Variants in KLF12 observed in about 807,000 individuals in gnomAD.
KLF12 encodes KLF transcription factor 12.
In KLF12, 9 loss-of-function variants were observed where a neutral mutation model predicts 37.8. The observed-to-expected ratio is 0.24, with a 90% confidence interval of 0.14 to 0.42. KLF12 has a LOEUF of 0.42. Ranked by LOEUF, KLF12 falls within the 10% of genes least tolerant of loss-of-function variation. KLF12 has a pLI of 1.00. For missense variants in KLF12, 411 were observed against 516.0 expected (o/e 0.80, Z 1.97); for synonymous variants, 208 against 202.1 (o/e 1.03, Z -0.25).
At chr13:74,305,736 A>G in the KLF12 span, among the ~76,000 whole-genome samples, 1 of 152,044 alleles carries the variant, frequency 6.6e-6, no homozygotes, top group African/African-American at 2.4e-5. Context: ...ATAAAACATA[A>G]CACTATTTGC....
intron 3 of KLF12, among the ~76,000 whole-genome samples, chr13:73,900,009 A>T (rs952567950): frequency 6.6e-6 from 1 of 152,190 alleles, no homozygotes; most frequent in Non-Finnish European, 1.5e-5. Flanking sequence ...GAAGAGTGAA[A>T]CTAAACTGAA....
chr13:73,880,844 C>A (rs569823266), intron 3 of KLF12, among the ~76,000 whole-genome samples: 3 of 152,188 alleles, frequency 2.0e-5, no homozygotes, highest in East Asian at 1.9e-4. Flanking sequence ...GAAAGTTATA[C>A]TTTGACCTGC....
chr13:74,250,715 G>A, the KLF12 span, among the ~76,000 whole-genome samples: 24 of 152,134 alleles, frequency 1.6e-4, no homozygotes, highest in South Asian at 3.9e-3. Flanking sequence ...AAAGATCAAG[G>A]CTGTTTAGGA....
the KLF12 span, among the ~76,000 whole-genome samples, chr13:74,275,771 C>T: frequency 6.8e-6 from 1 of 147,554 alleles, no homozygotes; most frequent in Non-Finnish European, 1.5e-5. Context: ...CGCCATTATG[C>T]CTGTCTTTTT....
chr13:73,953,455 T>C (rs928407527), intron 2 of KLF12, among the ~76,000 whole-genome samples: 4 of 152,216 alleles, frequency 2.6e-5, no homozygotes, highest in African/African-American at 7.2e-5. Context: ...AAGTAGAAGT[T>C]TGAGTACTGT....
chr13:73,757,771 G>A (rs1395026949), intron 6 of KLF12, among the ~76,000 whole-genome samples: 1 of 152,106 alleles, frequency 6.6e-6, no homozygotes. Flanking sequence ...TGCATATTTA[G>A]AAGACAGCCA....
At chr13:74,267,076 C>T in the KLF12 span, among the ~76,000 whole-genome samples, 2 of 152,178 alleles carry the variant, frequency 1.3e-5, no homozygotes, top group South Asian at 4.1e-4. Context: ...GCCCATTCTC[C>T]TCATACTTGC....
At chr13:73,742,152 A>G (rs2137898030) in intron 6 of KLF12, among the ~76,000 whole-genome samples, 1 of 151,994 alleles carries the variant, frequency 6.6e-6, no homozygotes. Context: ...ATATAAGCAA[A>G]GGGAAAAAAA....
chr13:73,961,436 C>T (rs9600193), intron 2 of KLF12, among the ~76,000 whole-genome samples: 10,758 of 152,030 alleles, frequency 0.071, 586 homozygotes, highest in African/African-American at 0.16. Flanking sequence ...AATACAGTCC[C>T]GAAATTGGAG....
chr13:74,160,322 T>C, the KLF12 span, among the ~76,000 whole-genome samples: 1 of 152,206 alleles, frequency 6.6e-6, no homozygotes, highest in Non-Finnish European at 1.5e-5. Flanking sequence ...GCACTCCTTC[T>C]AAAATATCCA....
At chr13:73,726,707 T>A (rs1184151280) in intron 6 of KLF12, among the ~76,000 whole-genome samples, 3 of 152,234 alleles carry the variant, frequency 2.0e-5, no homozygotes, top group Non-Finnish European at 4.4e-5. Flanking sequence ...GACATTTGGG[T>A]TGATTCCACT....
At chr13:74,064,079 A>G (rs1393620483) in intron 1 of KLF12, among the ~76,000 whole-genome samples, 1 of 152,108 alleles carries the variant, frequency 6.6e-6, no homozygotes, top group Non-Finnish European at 1.5e-5. Context: ...CCCTGTCCCC[A>G]AAAGAGGAAA....
intron 6 of KLF12, among the ~76,000 whole-genome samples, chr13:73,760,083 C>T (rs891037917): frequency 5.9e-5 from 9 of 151,996 alleles, no homozygotes; most frequent in South Asian, 2.1e-4. Flanking sequence ...CTCTTCCTGC[C>T]CTCCACAAAA....
chr13:74,297,768 T>C, the KLF12 span, among the ~76,000 whole-genome samples: 1 of 152,242 alleles, frequency 6.6e-6, no homozygotes, highest in Non-Finnish European at 1.5e-5. Flanking sequence ...TAAAATCGAA[T>C]ACATTCTGTA....
chr13:73,998,630 T>C (rs539725963), intron 1 of KLF12, among the ~76,000 whole-genome samples: 1 of 152,374 alleles, frequency 6.6e-6, no homozygotes, highest in South Asian at 2.1e-4. Flanking sequence ...CTGTAATTTT[T>C]AAAGCCAACT....
At chr13:74,062,027 C>T (rs897099039) in intron 1 of KLF12, among the ~76,000 whole-genome samples, 2 of 152,176 alleles carry the variant, frequency 1.3e-5, no homozygotes, top group African/African-American at 4.8e-5. Context: ...CCAGCAGAGT[C>T]TTCCTCAGTT....
At chr13:73,899,100 GCCCCCCAGTTGGGGCCA>G (rs1418798586) in intron 3 of KLF12, among the ~76,000 whole-genome samples, 1 of 152,178 alleles carries the variant, frequency 6.6e-6, no homozygotes, top group African/African-American at 2.4e-5. Flanking sequence ...TGCCCAGGAG[GCCCCCCAGTTGGGGCCA>G]CCCCCCAGGA....
chr13:73,951,515 T>C (rs1890647200), intron 2 of KLF12, among the ~76,000 whole-genome samples: 3 of 152,152 alleles, frequency 2.0e-5, no homozygotes, highest in Non-Finnish European at 4.4e-5. Context: ...TTGGCACTGC[T>C]ACAAAGCTGT....
intron 3 of KLF12, among the ~76,000 whole-genome samples, chr13:73,847,015 T>C (rs1455552382): frequency 6.6e-6 from 1 of 152,152 alleles, no homozygotes; most frequent in African/African-American, 2.4e-5. Flanking sequence ...TCTGAAATAA[T>C]GATGATAATG....
Sources: gnomAD v4.1 joint callset for allele counts (sites outside exome capture counted in the v4.1 genomes callset) on GRCh38, gnomAD v4.1.1 for gene constraint, MANE v1.5 for transcripts, NCBI Gene and HGNC (gene_info 2026-07-23, HGNC 2026-07-21) for gene names.